EMP1: variants seen among roughly 807,000 people sequenced by gnomAD.
EMP1 encodes epithelial membrane protein 1.
Under a neutral mutation model 15.7 loss-of-function variants are expected in EMP1, and 5 were observed. The observed-to-expected ratio is 0.32, with a 90% confidence interval of 0.17 to 0.67. The LOEUF is 0.67. EMP1 is among the 30% of genes least tolerant of loss of function. The probability of loss-of-function intolerance (pLI) is 0.74; values close to 1 mark genes in which losing one functional copy is unlikely to be tolerated. For missense variants in EMP1, 166 were observed against 194.2 expected, an observed-to-expected ratio of 0.85 and a Z score of 0.86; for synonymous variants, 78 against 76.7, an observed-to-expected ratio of 1.02 and a Z score of -0.09.
At chr12:13,208,985 C>CT in intron 1 of EMP1, 1 of 152,014 alleles carries the variant, frequency 6.6e-6, no homozygotes, top group Admixed American at 6.6e-5. Context: ...ACAGAGCAAC[C>CT]CAAGGAGACA....
chr12:13,206,133 A>G lies in EMP1; in HGVS notation c.-42-5336A>G, dbSNP rs555831140. Among the ~76,000 whole-genome samples, 14 of 152,298 alleles carry G rather than the reference A, an allele frequency of 9.2e-5. No homozygotes were observed. The East Asian group carries it at 2.7e-3, about 29-fold the overall frequency. ...TAGAACATAAGGAAGGATGTGAGAT[A>G]AGTAATGGAGGTAGAAACTCAGGGT... On this transcript the variant is annotated intron_variant, in intron 1 of 4. Transcript: ENST00000256951.
Position 13,200,346 on chromosome 12 carries a change from C to T in EMP1, c.-43+3474C>T, listed in dbSNP as rs1227319227. 3.9e-5 allele frequency among the ~76,000 whole-genome samples: 6 copies of T among 152,236 alleles called. No individual in the cohort carries two copies. The East Asian group carries it at 5.8e-4, about 15-fold the overall frequency. ...TTGTCACCACCCATCATAGTAATTA[C>T]GGGAACAGGCTGCCCATCAAATGTA... On this transcript the variant is annotated intron_variant, in intron 1 of 4. Transcript: ENST00000256951.
At position 13,196,843 on chromosome 12, in the gene EMP1, C is replaced by T. The variant is rs1186231873; in HGVS notation, c.-72C>T. The T allele has an allele frequency of 6.6e-6, 1 of 152,296 alleles. No homozygotes were observed. The allele number at this position is 152,296 out of a possible 1,614,324, so 9.4% of individuals were successfully genotyped here. ...AGGGCTGCTGCCAGCACCTGCCACT[C>T]AGAGCGCCTCTGTCGCTGGGACCCT... On this transcript the variant is annotated 5_prime_UTR_variant, in exon 1 of 5. Coordinates refer to ENST00000256951, the MANE Select transcript of EMP1 (RefSeq NM_001423.3).
At position 13,211,723 on chromosome 12, in the gene EMP1, C is replaced by T; in HGVS notation, c.78+135C>T. The stretch of plus-strand genomic sequence containing the variant: ...CTCAGTTGTGGGAAAACAAAATAAA[C>T]ACACGCTTGCCCTTCAAACAATTAA... On this transcript the variant is annotated intron_variant, in intron 2 of 4. Coordinates refer to ENST00000256951, the MANE Select transcript of EMP1 (RefSeq NM_001423.3). The surrounding 1 kb of genome is among the most constrained non-coding windows in gnomAD (Gnocchi z 4.7). 1.1e-6 allele frequency: 1 copy of T among 878,328 alleles called. No individual in the cohort carries two copies. The highest frequency in any genetic ancestry group is 1.8e-6 in the Non-Finnish European group (1 of 552,672). The allele number at this position is 878,328 out of a possible 1,614,324, so 54.4% of individuals were successfully genotyped here. A position where few individuals can be genotyped will look rare whatever the true frequency, so the allele number is the denominator to read the frequency against.
chr12:13,210,705 C>T (rs1340143694), intron 1 of EMP1, among the ~76,000 whole-genome samples: 3 of 152,224 alleles, frequency 2.0e-5, no homozygotes. Flanking sequence ...CCAGAACCAT[C>T]ACATTGAGCT....
rs1864218357 is a variant in EMP1 at position 13,216,638 on chromosome 12, G to A, written c.*1947G>A. The A allele has an allele frequency of 1.7e-6, 1 of 600,906 alleles. No homozygotes were observed. The highest frequency in any genetic ancestry group is 2.9e-6 in the Non-Finnish European group (1 of 339,704). 37.2% of individuals were successfully genotyped at this position (600,906 alleles called of 1,614,324 possible). A position where few individuals can be genotyped will look rare whatever the true frequency, so the allele number is the denominator to read the frequency against. On this transcript the variant is annotated 3_prime_UTR_variant, in exon 5 of 5. Transcript: ENST00000256951. ...GTGACATTTATGTCTCATGTAATTTGCATTACTCTGGTGGATTGTTCTAGT... is the reference window on the plus strand; with the variant it reads ...GTGACATTTATGTCTCATGTAATTTACATTACTCTGGTGGATTGTTCTAGT...
intron 2 of EMP1, among the ~76,000 whole-genome samples, chr12:13,212,998 T>A (rs2121161429): frequency 6.6e-6 from 1 of 152,370 alleles, no homozygotes; most frequent in East Asian, 1.9e-4. Context: ...TATTAACCAC[T>A]AGATTCATTG....
At chr12:13,214,386 A>C in intron 4 of EMP1, 148 bp from the exon 5 acceptor site, 3 of 1,094,090 alleles carry the variant, frequency 2.7e-6, no homozygotes, top group Non-Finnish European at 3.9e-6. Context: ...CCCAGGGGAC[A>C]TCCATCAGAA....
Position 13,217,209 on chromosome 12 carries a change from TG to T in EMP1, c.*2521del, listed in dbSNP as rs1245100858. ...TTACATAAACCAGGGCATACCTGTG[TG>T]GGCTCTGTGAGTGAAGGGAGGCTTC... On this transcript the variant is annotated 3_prime_UTR_variant, in exon 5 of 5. Transcript: ENST00000256951. The T allele has an allele frequency of 6.6e-6, 1 of 152,230 alleles. No individual in the cohort carries two copies. The highest frequency in any genetic ancestry group is 1.5e-5 in the Non-Finnish European group (1 of 68,044). 9.4% of individuals were successfully genotyped at this position (152,230 alleles called of 1,614,324 possible).
At chr12:13,197,612 C>T (rs1483584915) in intron 1 of EMP1, among the ~76,000 whole-genome samples, 2 of 151,852 alleles carry the variant, frequency 1.3e-5, no homozygotes, top group Non-Finnish European at 2.9e-5. Flanking sequence ...CCTGTCTCTA[C>T]TAAAATACAA....
chr12:13,206,883 C>A (rs1410814283), intron 1 of EMP1, among the ~76,000 whole-genome samples: 1 of 151,790 alleles, frequency 6.6e-6, no homozygotes, highest in Non-Finnish European at 1.5e-5. Context: ...GGCAACAAGG[C>A]AATGCATGGC....
intron 1 of EMP1, among the ~76,000 whole-genome samples, chr12:13,206,960 T>A (rs992643830): frequency 1.5e-5 from 2 of 137,724 alleles, no homozygotes; most frequent in African/African-American, 5.3e-5. Context: ...TGTGTGTGTG[T>A]GTGGTGTGTA....
At chr12:13,204,708 G>T (rs925653977) in intron 1 of EMP1, among the ~76,000 whole-genome samples, 1 of 152,198 alleles carries the variant, frequency 6.6e-6, no homozygotes, top group African/African-American at 2.4e-5. Context: ...CTCTCCTCGT[G>T]CTTTGGAGGA....
intron 1 of EMP1, among the ~76,000 whole-genome samples, chr12:13,204,990 C>T (rs985916488): frequency 9.2e-5 from 14 of 152,000 alleles, no homozygotes; most frequent in Admixed American, 5.2e-4. Context: ...GTAATCTCAC[C>T]GGCAGAATTA....
intron 1 of EMP1, among the ~76,000 whole-genome samples, chr12:13,208,502 T>C (rs1421456836): frequency 6.6e-6 from 1 of 152,196 alleles, no homozygotes; most frequent in African/African-American, 2.4e-5. Flanking sequence ...TGTTTTCACC[T>C]GTGTTGGGGG....
At chr12:13,202,219 A>AT (rs1358845592) in intron 1 of EMP1, among the ~76,000 whole-genome samples, 3 of 152,172 alleles carry the variant, frequency 2.0e-5, no homozygotes, top group Non-Finnish European at 4.4e-5. Context: ...TTCGGTCAAA[A>AT]TTCGATTCTT....
rs549071050 is a variant in EMP1, at chr12:13,219,694, A to G, written c.*5003A>G. On this transcript the variant is annotated 3_prime_UTR_variant, in exon 5 of 5. Coordinates refer to ENST00000256951, the MANE Select transcript of EMP1 (RefSeq NM_001423.3). ...AAAAATGACTGTCTACACTTGGCAC[A>G]TGAGGGACTTTATGATATTAAGAGA... 1.5e-4 allele frequency: 23 copies of G among 152,364 alleles called. No homozygotes were observed. In the South Asian group the frequency reaches 4.8e-3, roughly 32 times the overall value. The allele number at this position is 152,364 out of a possible 1,614,324, so 9.4% of individuals were successfully genotyped here. A position where few individuals can be genotyped will look rare whatever the true frequency, so the allele number is the denominator to read the frequency against.
At chr12:13,214,213 C>T (rs1200243996) in intron 4 of EMP1, 1 of 596,444 alleles carries the variant, frequency 1.7e-6, no homozygotes, top group African/African-American at 1.9e-5. Flanking sequence ...AGGACATGCT[C>T]TTTTGCATCC....
chr12:13,197,261 TC>T (rs1466708841), intron 1 of EMP1, among the ~76,000 whole-genome samples: 1 of 152,182 alleles, frequency 6.6e-6, no homozygotes, highest in Non-Finnish European at 1.5e-5. Context: ...CAGATGTTTT[TC>T]ACCTCCTCCG....
Sources: gnomAD v4.1 joint callset for allele counts (sites outside exome capture counted in the v4.1 genomes callset) on GRCh38, gnomAD v4.1.1 for gene constraint, Gnocchi (gnomAD v3.1) non-coding constraint, MANE v1.5 for transcripts, NCBI Gene and HGNC (gene_info 2026-07-23, HGNC 2026-07-21) for gene names.